The following ANKRD44 variants were observed in gnomAD, a reference collection of about 807,000 sequenced individuals.
ANKRD44 encodes ankyrin repeat domain 44.
ANKRD44 carries 35 observed loss-of-function variants against 116.0 expected under a neutral mutation model. The observed-to-expected ratio is 0.30, with a 90% confidence interval of 0.23 to 0.40. The LOEUF (loss-of-function observed/expected upper bound fraction) is 0.40, where lower values mean the gene tolerates loss of function less well. Among genes scored for constraint, ANKRD44 ranks in the 10% least tolerant of loss-of-function variants. The pLI is 1.00. For missense variants in ANKRD44, 1,014 were observed against 1,242.6 expected (o/e 0.82, Z 2.77); for synonymous variants, 435 against 461.8 (o/e 0.94, Z 0.74).
At chr2:197,063,673 C>A (rs1257503129) in intron 16 of ANKRD44, among the ~76,000 whole-genome samples, 2 of 152,068 alleles carry the variant, frequency 1.3e-5, no homozygotes, top group Non-Finnish European at 2.9e-5. Context: ...CTTCAGTAGC[C>A]GATTCGATCA....
At position 197,081,595 on chromosome 2, in the gene ANKRD44, G is replaced by A. The variant is rs537122439; in HGVS notation, c.1538+50C>T. On this transcript the variant is annotated intron_variant, in intron 15 of 27. Transcript: ENST00000282272. ...GGCAACGTGGCAACTCAGAAAAGCA[G>A]AAGAAGCGTCAGAAATGGCACCTTG... 11 of 1,545,026 alleles carry A rather than the reference G, an allele frequency of 7.1e-6. No individual in the cohort carries two copies. In the South Asian group the frequency reaches 1.1e-4, roughly 16 times the overall value.
At chr2:196,975,231 G>A (rs752303690) in intron 21 of ANKRD44, among the ~76,000 whole-genome samples, 22 of 152,072 alleles carry the variant, frequency 1.4e-4, no homozygotes, top group Non-Finnish European at 1.5e-5. Context: ...CAAATTCTTA[G>A]AAAGACACAA....
intron 1 of ANKRD44, among the ~76,000 whole-genome samples, chr2:197,215,842 G>T (rs1481664139): frequency 2.0e-5 from 3 of 152,204 alleles, no homozygotes; most frequent in Non-Finnish European, 4.4e-5. Flanking sequence ...TTAGCTAGGA[G>T]CAGTGACATA....
At chr2:197,114,461 C>G (rs2078662460) in intron 8 of ANKRD44, among the ~76,000 whole-genome samples, 1 of 152,178 alleles carries the variant, frequency 6.6e-6, no homozygotes, top group African/African-American at 2.4e-5. Context: ...AATATTAGTA[C>G]TCTTTCAGGG....
At chr2:197,227,830 A>C (rs1276358119) in intron 1 of ANKRD44, among the ~76,000 whole-genome samples, 1 of 152,208 alleles carries the variant, frequency 6.6e-6, no homozygotes, top group South Asian at 2.1e-4. Context: ...TGACTGCCCC[A>C]TGGGCTGGGT....
At chr2:197,240,062 T>C (rs935472412) in intron 1 of ANKRD44, among the ~76,000 whole-genome samples, 5 of 152,056 alleles carry the variant, frequency 3.3e-5, no homozygotes, top group Non-Finnish European at 5.9e-5. Flanking sequence ...GAAGAAAATC[T>C]AGATATAAAT....
At chr2:196,986,307 C>T (rs1395971836), downstream of ANKRD44, among the ~76,000 whole-genome samples, 1 of 151,948 alleles carries the variant, frequency 6.6e-6, no homozygotes, top group African/African-American at 2.4e-5. Flanking sequence ...CCCAGCTACT[C>T]GGGAGGCTGA....
chr2:197,073,343 C>T (rs1309582808), intron 16 of ANKRD44, among the ~76,000 whole-genome samples: 1 of 152,132 alleles, frequency 6.6e-6, no homozygotes, highest in Admixed American at 6.5e-5. Flanking sequence ...ACTTATATTC[C>T]CCTCTCCACA....
intron 4 of ANKRD44, chr2:197,136,195 C>G: frequency 5.2e-6 from 1 of 193,772 alleles, no homozygotes; most frequent in East Asian, 1.4e-4. Flanking sequence ...TTCTCCTGGC[C>G]TGCTAAGTCC....
At chr2:197,139,851 TGTG>T (rs771376606) in intron 3 of ANKRD44, among the ~76,000 whole-genome samples, 862 of 5,034 alleles carry the variant, frequency 0.17, 6 homozygotes, top group Middle Eastern at 0.38. Context: ...GCTGCTTTTG[TGTG>T]TGTGTGTGTG....
chr2:197,264,771 A>G (rs536685094), intron 1 of ANKRD44, among the ~76,000 whole-genome samples: 3 of 152,074 alleles, frequency 2.0e-5, no homozygotes, highest in Non-Finnish European at 4.4e-5. Context: ...CCTTTTCCAG[A>G]CTCCTGAGGG....
At chr2:197,303,538 C>G (rs1395818645) in intron 1 of ANKRD44, among the ~76,000 whole-genome samples, 2 of 152,160 alleles carry the variant, frequency 1.3e-5, no homozygotes, top group Non-Finnish European at 2.9e-5. Flanking sequence ...TAGGCTCAAA[C>G]AGATGTTTCC....
intron 1 of ANKRD44, among the ~76,000 whole-genome samples, chr2:197,211,399 A>G (rs555907523): frequency 6.6e-6 from 1 of 152,302 alleles, no homozygotes; most frequent in Admixed American, 6.5e-5. Context: ...GAAAATTTCA[A>G]TAACTTAGCC....
intron 16 of ANKRD44, among the ~76,000 whole-genome samples, chr2:197,034,671 G>C (rs1245435366): frequency 6.6e-6 from 1 of 151,742 alleles, no homozygotes; most frequent in East Asian, 1.9e-4. Flanking sequence ...GTTCTACGTA[G>C]AGTCCAGCAC....
intron 3 of ANKRD44, among the ~76,000 whole-genome samples, chr2:197,140,344 C>G (rs747778524): frequency 2.0e-5 from 3 of 151,978 alleles, no homozygotes; most frequent in Non-Finnish European, 2.9e-5. Flanking sequence ...TTTTTAGAGA[C>G]AGGGTCTCAC....
At chr2:197,037,067 A>G (rs950843685) in intron 16 of ANKRD44, among the ~76,000 whole-genome samples, 4 of 152,240 alleles carry the variant, frequency 2.6e-5, no homozygotes, top group Admixed American at 2.0e-4. Flanking sequence ...TACACCTTCA[A>G]TGTTACTTAA....
intron 3 of ANKRD44, among the ~76,000 whole-genome samples, chr2:197,143,359 C>T (rs1327627009): frequency 4.8e-5 from 5 of 103,232 alleles, no homozygotes; most frequent in Non-Finnish European, 9.1e-5. Flanking sequence ...CCTCCCCCCA[C>T]CCCACAACAG....
intron 27 of ANKRD44, among the ~76,000 whole-genome samples, chr2:196,991,408 T>C (rs775669685): frequency 3.9e-5 from 6 of 152,120 alleles, no homozygotes; most frequent in Non-Finnish European, 8.8e-5. Flanking sequence ...AGAAAAGATA[T>C]TGAAAATTAG....
At chr2:197,233,777 G>A (rs144780741) in intron 1 of ANKRD44, among the ~76,000 whole-genome samples, 1 of 152,330 alleles carries the variant, frequency 6.6e-6, no homozygotes, top group East Asian at 1.9e-4. Flanking sequence ...TGTTCTAGCA[G>A]TTTTCTCTCA....
Sources: allele counts gnomAD v4.1 joint callset (sites outside exome capture counted in the v4.1 genomes callset), GRCh38; gene constraint gnomAD v4.1.1; transcripts MANE v1.5; gene names NCBI Gene and HGNC (gene_info 2026-07-23, HGNC 2026-07-21).